The following TBCD variants were observed in gnomAD, a reference collection of about 807,000 sequenced individuals.
The protein encoded by TBCD is tubulin-specific chaperone D.
TBCD carries 105 observed loss-of-function variants against 169.3 expected under a neutral mutation model. That is an observed-to-expected ratio of 0.62 (90% CI 0.53 to 0.73). The LOEUF (loss-of-function observed/expected upper bound fraction) is 0.73, where lower values mean the gene tolerates loss of function less well. TBCD is among the 30% of genes least tolerant of loss of function. The pLI is 0.00. For missense variants in TBCD, 1,444 were observed against 1,600.1 expected, an observed-to-expected ratio of 0.90 and a Z score of 1.66; for synonymous variants, 700 against 643.9, an observed-to-expected ratio of 1.09 and a Z score of -1.32.
chr17:82,944,475 T>G lies in TBCD; in HGVS notation c.*2012T>G, dbSNP rs529055724. The stretch of plus-strand genomic sequence containing the variant: ...CACCATCAAGGCAGGCAACACTGAG[T>G]GCTATGAACAAAGATAAAGTGGGCA... On this transcript the variant is annotated 3_prime_UTR_variant, in exon 39 of 39. Transcript: ENST00000355528. 5 of 151,874 alleles carry G rather than the reference T, an allele frequency of 3.3e-5. No homozygotes were observed. The highest frequency in any genetic ancestry group is 7.4e-5 in the Non-Finnish European group (5 of 67,924). 9.4% of individuals were successfully genotyped at this position (151,874 alleles called of 1,614,324 possible).
At chr17:82,924,114 C>T (rs1222562197) in intron 26 of TBCD, among the ~76,000 whole-genome samples, 15 of 152,098 alleles carry the variant, frequency 9.9e-5, no homozygotes, top group African/African-American at 2.4e-4. Context: ...CCACCATACC[C>T]GGCTAATTTT....
Position 82,782,609 on chromosome 17 carries a change from G to A in TBCD, c.771+888G>A, listed in dbSNP as rs530769443. ...CTCCTGCCTTTGTGATGATCCCAAA[G>A]TGCTGGGATTACAGGCTTGAGCCGC... On this transcript the variant is annotated intron_variant, in intron 7 of 38. Coordinates refer to ENST00000355528, the MANE Select transcript of TBCD (RefSeq NM_005993.5). This position sits in a 1 kb window ranked among gnomAD's most constrained non-coding sequence, Gnocchi z 5.1. Among the ~76,000 whole-genome samples the A allele has an allele frequency of 6.6e-6, 1 of 152,322 alleles. No homozygotes were observed. The highest frequency in any genetic ancestry group is 1.9e-4 in the East Asian group (1 of 5,182).
At chr17:82,907,865 G>A in intron 21 of TBCD, 44 bp downstream of exon 21, 17 of 1,596,710 alleles carry the variant, frequency 1.1e-5, no homozygotes, top group Non-Finnish European at 1.4e-5. Flanking sequence ...GGCATCACAG[G>A]ACCTGCCCCC....
At chr17:82,843,614 C>T (rs2054742555) in intron 13 of TBCD, among the ~76,000 whole-genome samples, 1 of 150,620 alleles carries the variant, frequency 6.6e-6, no homozygotes, top group African/African-American at 2.4e-5. Flanking sequence ...CTTACTTACC[C>T]TTCCCTTCCC....
chr17:82,883,234 G>A (rs2058493271), intron 14 of TBCD, among the ~76,000 whole-genome samples: 1 of 152,386 alleles, frequency 6.6e-6, no homozygotes, highest in East Asian at 1.9e-4. Flanking sequence ...CAGGAACCTC[G>A]GAGGCGCTGG....
intron 2 of TBCD, among the ~76,000 whole-genome samples, chr17:82,760,970 T>G (rs528214723): frequency 6.6e-6 from 1 of 152,314 alleles, no homozygotes; most frequent in South Asian, 2.1e-4. Context: ...AGTCTTTTTT[T>G]TTTTTTGGAG....
At chr17:82,792,639 C>T (rs192345159) in intron 7 of TBCD, among the ~76,000 whole-genome samples, 3 of 152,260 alleles carry the variant, frequency 2.0e-5, no homozygotes, top group Non-Finnish European at 2.9e-5. Context: ...GCTGCCAGGT[C>T]GGTGCTGGGG....
In TBCD at chr17:82,926,458, A is replaced by G; in HGVS notation, c.2438A>G (p.Glu813Gly). 1.2e-6 allele frequency: 2 copies of G among 1,614,002 alleles called. No homozygotes were observed. The highest frequency in any genetic ancestry group is 1.7e-6 in the Non-Finnish European group (2 of 1,179,886). The change falls in exon 28 of 39, where the codon GAG becomes GGG. Residue 813 changes from glutamate to glycine, a missense_variant. Physicochemically the swap from Glu to Gly is moderately conservative, Grantham distance 98 (BLOSUM62 -2). Coordinates refer to ENST00000355528, the MANE Select transcript of TBCD (RefSeq NM_005993.5). Reference sequence around the variant, plus strand: ...TCCCCCGAGGACGTAAGTTTTGCTGAGTCCAGGAGAGACGGCTTGAAGGCC... The same window carrying G: ...TCCCCCGAGGACGTAAGTTTTGCTGGGTCCAGGAGAGACGGCTTGAAGGCC... ...HTSPEDVSFA[E>G]SRRDGLKAIA...
In TBCD at chr17:82,938,041, C is replaced by G. The variant is rs1482386681; in HGVS notation, c.3282-8C>G. On this transcript the variant is annotated splice_polypyrimidine_tract_variant and splice_region_variant and intron_variant, in intron 35 of 38. Coordinates refer to ENST00000355528, the MANE Select transcript of TBCD (RefSeq NM_005993.5). ...GGCTCACCTGGAGCCATGTGCTGCT[C>G]CCGGCAGGTTCTGCGAGATGGTGCA... The G allele has an allele frequency of 4.3e-6, 7 of 1,612,956 alleles. No individual in the cohort carries two copies. The highest frequency in any genetic ancestry group is 5.9e-6 in the Non-Finnish European group (7 of 1,179,760).
chr17:82,827,536 C>G (rs1412070039), intron 13 of TBCD, among the ~76,000 whole-genome samples: 1 of 152,186 alleles, frequency 6.6e-6, no homozygotes, highest in Non-Finnish European at 1.5e-5. Flanking sequence ...TTCGCACATG[C>G]CGGTACTTGA....
intron 13 of TBCD, among the ~76,000 whole-genome samples, chr17:82,816,299 A>G (rs1216442547): frequency 6.6e-6 from 1 of 152,130 alleles, no homozygotes; most frequent in African/African-American, 2.4e-5. Context: ...TCATCAGCTG[A>G]TGTACATCTG....
chr17:82,813,305 C>T (rs1331940982), intron 12 of TBCD, among the ~76,000 whole-genome samples: 4 of 152,122 alleles, frequency 2.6e-5, no homozygotes, highest in South Asian at 2.1e-4. Context: ...CCCGCTCATC[C>T]GCCCACTCAT....
At chr17:82,805,505 T>A (rs1453299735) in intron 9 of TBCD, among the ~76,000 whole-genome samples, 1 of 152,132 alleles carries the variant, frequency 6.6e-6, no homozygotes, top group Non-Finnish European at 1.5e-5. Flanking sequence ...GTGGCAGTGG[T>A]GGCCGTTCAG....
At chr17:82,939,617 G>A (rs1368101157) in intron 37 of TBCD, 141 bp downstream of exon 37, 1 of 685,938 alleles carries the variant, frequency 1.5e-6, no homozygotes, top group Non-Finnish European at 2.5e-6. Context: ...CCTCTGCTTA[G>A]GTTTTACAAG....
At chr17:82,876,867 A>G (rs1454909505) in intron 14 of TBCD, 1 of 591,498 alleles carries the variant, frequency 1.7e-6, no homozygotes, top group Middle Eastern at 8.5e-4. Context: ...ATTGCTGAGT[A>G]CTGCCGGGAG....
chr17:82,752,494 C>A, intron 1 of TBCD, 117 bp downstream of exon 1: 1 of 827,750 alleles, frequency 1.2e-6, no homozygotes, highest in Non-Finnish European at 1.5e-6. Context: ...CGAGGGCTGC[C>A]GGTGCGCGGT....
chr17:82,775,905 A>T (rs973755670), intron 6 of TBCD, among the ~76,000 whole-genome samples: 2 of 152,048 alleles, frequency 1.3e-5, no homozygotes, highest in African/African-American at 4.8e-5. Context: ...AAAAAAATTA[A>T]AAAAAAACCC....
In TBCD at chr17:82,832,289, C is replaced by G. The variant is rs2053589878; in HGVS notation, c.1318+17355C>G. 1 of 1,614,094 alleles carries G rather than the reference C, an allele frequency of 6.2e-7. No individual in the cohort carries two copies. The highest frequency in any genetic ancestry group is 1.1e-5 in the South Asian group (1 of 91,092). Reference sequence around the variant, plus strand: ...TTGGGAACTCGATCCTGCTCTGATACTAAAGTAATCGAGTTTTTACAAAGA... The same window carrying G: ...TTGGGAACTCGATCCTGCTCTGATAGTAAAGTAATCGAGTTTTTACAAAGA... On this transcript the variant is annotated intron_variant, in intron 13 of 38. Coordinates refer to ENST00000355528, the MANE Select transcript of TBCD (RefSeq NM_005993.5). The surrounding 1 kb of genome is among the most constrained non-coding windows in gnomAD (Gnocchi z 4.9).
chr17:82,872,981 C>T (rs1470574730), intron 14 of TBCD, among the ~76,000 whole-genome samples: 2 of 151,444 alleles, frequency 1.3e-5, no homozygotes, highest in African/African-American at 2.4e-5. Flanking sequence ...GAGCCAGGCC[C>T]GGCACCTCGT....
Sources: gnomAD v4.1 joint callset for allele counts (sites outside exome capture counted in the v4.1 genomes callset) on GRCh38, gnomAD v4.1.1 for gene constraint, Gnocchi (gnomAD v3.1) non-coding constraint, MANE v1.5 for transcripts, NCBI Gene and HGNC (gene_info 2026-07-23, HGNC 2026-07-21) for gene names.